Variants in CRIM1 observed in about 807,000 individuals in gnomAD.
The protein encoded by CRIM1 is cysteine rich transmembrane BMP regulator 1.
Under a neutral mutation model 116.4 loss-of-function variants are expected in CRIM1, and 32 were observed. The observed-to-expected ratio is 0.27, with a 90% CI of 0.21 to 0.37. CRIM1 has a LOEUF of 0.37. Ranked by LOEUF, CRIM1 falls within the 10% of genes least tolerant of loss-of-function variation. The pLI, the probability that CRIM1 is intolerant of heterozygous loss-of-function variation, is 1.00. For synonymous variants in CRIM1, 590 were observed against 509.2 expected, an observed-to-expected ratio of 1.16 and a Z score of -2.13; for missense variants, 1,331 against 1,354.8, an observed-to-expected ratio of 0.98 and a Z score of 0.28.
chr2:36,475,024 G>A (rs541929061), intron 5 of CRIM1, among the ~76,000 whole-genome samples: 1 of 152,194 alleles, frequency 6.6e-6, no homozygotes, highest in South Asian at 2.1e-4. Context: ...TTTGAAATTA[G>A]GAAGTAGGAG....
intron 8 of CRIM1, among the ~76,000 whole-genome samples, chr2:36,499,850 A>C (rs562432651): frequency 1.1e-3 from 172 of 152,152 alleles, no homozygotes; most frequent in Non-Finnish European, 1.7e-3. Context: ...AATAATACAC[A>C]CACACCCCAC....
chr2:36,428,814 C>G (rs1231326406), intron 2 of CRIM1, among the ~76,000 whole-genome samples: 4 of 152,136 alleles, frequency 2.6e-5, no homozygotes, highest in Admixed American at 1.3e-4. Context: ...TCTTAGGAAA[C>G]TTGTTGCAGA....
At chr2:36,445,802 CAT>C (rs539128036) in intron 4 of CRIM1, among the ~76,000 whole-genome samples, 1 of 151,700 alleles carries the variant, frequency 6.6e-6, no homozygotes, top group Non-Finnish European at 1.5e-5. Context: ...AAAAGCCTAA[CAT>C]GTAATAATAA....
Position 36,548,846 on chromosome 2 carries a change from C to A in CRIM1, c.*145C>A. The A allele has an allele frequency of 1.8e-6, 1 of 564,480 alleles. No homozygotes were observed. Among genetic ancestry groups the A allele is most frequent in the Non-Finnish European group, 3.0e-6 (1 of 333,470 alleles). 35.0% of individuals were successfully genotyped at this position (564,480 alleles called of 1,614,324 possible). A position where few individuals can be genotyped will look rare whatever the true frequency, so the allele number is the denominator to read the frequency against. ...CGCTAAGACCTTACTGGGATGGGCT[C>A]TGTCTACAGCAATGTGCAGAACAAG... On this transcript the variant is annotated 3_prime_UTR_variant, in exon 17 of 17. Transcript: ENST00000280527.
chr2:36,398,190 A>G (rs993486641), intron 2 of CRIM1, among the ~76,000 whole-genome samples: 1 of 152,192 alleles, frequency 6.6e-6, no homozygotes, highest in African/African-American at 2.4e-5. Context: ...CACAATTTAG[A>G]ATCATTACTT....
At chr2:36,410,983 C>G (rs537075613) in intron 2 of CRIM1, among the ~76,000 whole-genome samples, 10 of 152,282 alleles carry the variant, frequency 6.6e-5, no homozygotes, top group Non-Finnish European at 1.0e-4. Context: ...GAAACAAATT[C>G]TCATATTCTC....
intron 1 of CRIM1, among the ~76,000 whole-genome samples, chr2:36,370,346 A>G (rs1177964895): frequency 1.3e-5 from 2 of 152,184 alleles, no homozygotes; most frequent in African/African-American, 2.4e-5. Context: ...AAATGAAAGA[A>G]GCCAGAGGTG....
At chr2:36,461,351 G>T (rs1182736081) in intron 4 of CRIM1, among the ~76,000 whole-genome samples, 1 of 152,120 alleles carries the variant, frequency 6.6e-6, no homozygotes, top group Non-Finnish European at 1.5e-5. Context: ...ATCCAGAGAT[G>T]GGGATAAAGG....
chr2:36,445,182 AT>A (rs2124948273), intron 4 of CRIM1, among the ~76,000 whole-genome samples: 1 of 152,214 alleles, frequency 6.6e-6, no homozygotes, highest in South Asian at 2.1e-4. Context: ...AAGAATGAAT[AT>A]TTTTAGTTTC....
intron 13 of CRIM1, among the ~76,000 whole-genome samples, chr2:36,528,656 T>A (rs990855198): frequency 6.6e-6 from 1 of 152,194 alleles, no homozygotes; most frequent in East Asian, 1.9e-4. Context: ...ACTGTGGACC[T>A]ACACGGAGGC....
intron 7 of CRIM1, among the ~76,000 whole-genome samples, chr2:36,497,139 A>C (rs1179500): frequency 0.38 from 57,520 of 152,020 alleles, 11,952 homozygotes; most frequent in South Asian, 0.53. Flanking sequence ...AATTTCACAT[A>C]TTAAATGTCA....
intron 12 of CRIM1, 54 bp from the exon 13 acceptor site, chr2:36,522,038 A>G (rs1046760340): frequency 8.8e-6 from 13 of 1,475,546 alleles, no homozygotes; most frequent in Middle Eastern, 4.1e-4. Flanking sequence ...ACTATGTTGC[A>G]TAGTTGCTGG....
intron 12 of CRIM1, among the ~76,000 whole-genome samples, chr2:36,518,829 G>A (rs1665189759): frequency 6.6e-6 from 1 of 152,144 alleles, no homozygotes; most frequent in African/African-American, 2.4e-5. Context: ...TACTTAGAGT[G>A]ATCTTTTCCT....
intron 4 of CRIM1, among the ~76,000 whole-genome samples, chr2:36,449,976 A>G (rs1676573403): frequency 6.6e-6 from 1 of 152,142 alleles, no homozygotes; most frequent in Non-Finnish European, 1.5e-5. Flanking sequence ...GTGAAAGCTG[A>G]GTAACAATTC....
At chr2:36,454,252 C>A (rs1041812587) in intron 4 of CRIM1, among the ~76,000 whole-genome samples, 2 of 152,140 alleles carry the variant, frequency 1.3e-5, no homozygotes, top group Non-Finnish European at 2.9e-5. Context: ...TGTATTCTTT[C>A]TTGCCTTTGT....
intron 5 of CRIM1, among the ~76,000 whole-genome samples, chr2:36,473,702 A>G (rs1678726056): frequency 2.0e-5 from 3 of 150,790 alleles, no homozygotes; most frequent in South Asian, 2.1e-4. Context: ...GCATATCAGA[A>G]CTTCATTTCT....
Position 36,549,091 on chromosome 2 carries a change from C to T in CRIM1, c.*390C>T, listed in dbSNP as rs1177299380. The T allele has an allele frequency of 6.4e-6, 1 of 155,664 alleles. No homozygotes were observed. Among genetic ancestry groups the T allele is most frequent in the Non-Finnish European group, 1.4e-5 (1 of 70,240 alleles). 9.6% of individuals were successfully genotyped at this position (155,664 alleles called of 1,614,324 possible). On this transcript the variant is annotated 3_prime_UTR_variant, in exon 17 of 17. Coordinates refer to ENST00000280527, the MANE Select transcript of CRIM1 (RefSeq NM_016441.3). ...GTAACATAAAAGCAGTTCAGTGGCC[C>T]AGAGGTTATTTTTTTCCTATTGCTC... is the stretch of plus-strand genomic sequence containing the variant.
At chr2:36,393,239 C>T (rs1671756597) in intron 1 of CRIM1, among the ~76,000 whole-genome samples, 1 of 152,012 alleles carries the variant, frequency 6.6e-6, no homozygotes, top group African/African-American at 2.4e-5. Flanking sequence ...AGAAATGTGC[C>T]CAGTATTCCA....
At position 36,548,761 on chromosome 2, in the gene CRIM1, G is replaced by T; in HGVS notation, c.*60G>T. The T allele has an allele frequency of 7.1e-6, 10 of 1,409,672 alleles. No homozygotes were observed. The highest frequency in any genetic ancestry group is 9.6e-6 in the Non-Finnish European group (10 of 1,037,346). The allele number at this position is 1,409,672 out of a possible 1,614,324, so 87.3% of individuals were successfully genotyped here. A position where few individuals can be genotyped will look rare whatever the true frequency, so the allele number is the denominator to read the frequency against. ...AAGACGACTAAATCTGCTCTAAAAA[G>T]TAAACTAGAATTTGTGCACTTGCTT... is the stretch of plus-strand genomic sequence containing the variant. On this transcript the variant is annotated 3_prime_UTR_variant, in exon 17 of 17. Coordinates refer to ENST00000280527, the MANE Select transcript of CRIM1 (RefSeq NM_016441.3).
Sources: gnomAD v4.1 joint callset for allele counts (sites outside exome capture counted in the v4.1 genomes callset) on GRCh38, gnomAD v4.1.1 for gene constraint, MANE v1.5 for transcripts, NCBI Gene and HGNC (gene_info 2026-07-23, HGNC 2026-07-21) for gene names.